Variants in TDRD5 observed in about 807,000 individuals in gnomAD.
TDRD5 encodes the protein tudor domain containing 5, also known as tudor domain-containing protein 5.
TDRD5 carries 41 observed loss-of-function variants against 120.6 expected under a neutral mutation model. The observed-to-expected ratio is 0.34, with a 90% CI of 0.26 to 0.44. The LOEUF (loss-of-function observed/expected upper bound fraction) is 0.44. Among genes scored for constraint, TDRD5 ranks in the 20% least tolerant of loss-of-function variants. The pLI is 1.00. For synonymous variants in TDRD5, 430 were observed against 433.7 expected (o/e 0.99, Z 0.11); for missense variants, 1,006 against 1,221.2 (o/e 0.82, Z 2.63).
intron 11 of TDRD5, among the ~76,000 whole-genome samples, chr1:179,643,542 G>A (rs988266022): frequency 2.0e-5 from 3 of 152,186 alleles, no homozygotes; most frequent in South Asian, 2.1e-4. Flanking sequence ...TTCTAGAGTC[G>A]TAAAGTGAAA....
chr1:179,637,289 G>A (rs1034300740), intron 9 of TDRD5, among the ~76,000 whole-genome samples: 4 of 152,110 alleles, frequency 2.6e-5, no homozygotes, highest in African/African-American at 4.8e-5. Flanking sequence ...ACATTTGTAC[G>A]TGTTTTAAAA....
intron 16 of TDRD5, among the ~76,000 whole-genome samples, 163 bp downstream of exon 16, chr1:179,663,654 A>T (rs1292316558): frequency 1.3e-5 from 2 of 152,170 alleles, no homozygotes; most frequent in African/African-American, 4.8e-5. Context: ...TGGGCTTTGT[A>T]CTAGAGTTAT....
chr1:179,668,760 T>TTTTTTG (rs1679688292), intron 16 of TDRD5, among the ~76,000 whole-genome samples: 1 of 123,920 alleles, frequency 8.1e-6, no homozygotes, highest in Non-Finnish European at 1.7e-5. Context: ...TTTTTTTTTT[T>TTTTTTG]GTGATGGAGT....
rs557783330 is a variant in TDRD5 at position 179,641,461 on chromosome 1, C to G, written c.1800+1016C>G. Among the ~76,000 whole-genome samples the G allele has an allele frequency of 2.0e-3, 298 of 151,540 alleles. 3 individuals are homozygous for G. Among genetic ancestry groups the G allele is most frequent in the African/African-American group, 6.8e-3 (280 of 41,286 alleles). On this transcript the variant is annotated intron_variant, in intron 11 of 17. Coordinates refer to ENST00000444136, the MANE Select transcript of TDRD5 (RefSeq NM_001199085.3). The stretch of plus-strand genomic sequence containing the variant: ...AGGATAATTGCTTGAACCCGGGAGG[C>G]GGAGGTTGCAGTGAGCTGAGATTGC...
chr1:179,682,656 T>C lies in TDRD5; in HGVS notation c.2861-8040T>C, dbSNP rs193275836. ...CTTTCTCCTTTTCTTCCTGTCTTTT[T>C]TGGGGGGTGGGGAGATGCAGTTTAA... On this transcript the variant is annotated intron_variant, in intron 17 of 17. Transcript: ENST00000444136. Among the ~76,000 whole-genome samples the C allele has an allele frequency of 4.6e-5, 7 of 152,296 alleles. No homozygotes were observed. The East Asian group carries it at 1.2e-3, about 25-fold the overall frequency.
At chr1:179,618,435 G>T (rs573168744) in intron 4 of TDRD5, among the ~76,000 whole-genome samples, 164 bp from the exon 5 acceptor site, 1 of 152,116 alleles carries the variant, frequency 6.6e-6, no homozygotes, top group Non-Finnish European at 1.5e-5. Flanking sequence ...AGTGTATTTT[G>T]TATGGTATGA....
chr1:179,642,100 T>C (rs1425472251), intron 11 of TDRD5, among the ~76,000 whole-genome samples: 2 of 142,582 alleles, frequency 1.4e-5, no homozygotes, highest in South Asian at 2.3e-4. Flanking sequence ...TTTCTTTTTT[T>C]CTTTTCTTTT....
chr1:179,621,251 C>A lies in TDRD5; in HGVS notation c.972+160C>A, dbSNP rs566014170. Among the ~76,000 whole-genome samples, 3 of 151,984 alleles carry A rather than the reference C, an allele frequency of 2.0e-5. No homozygotes were observed. In the South Asian group the frequency reaches 6.2e-4, roughly 31 times the overall value. ...ATATTATAAGACTTGAGAATATGAT[C>A]TTTAACAAATACTTGATTATGCATA... On this transcript the variant is annotated intron_variant, in intron 6 of 17. Transcript: ENST00000444136.
At chr1:179,612,847 A>G (rs1676352321) in intron 4 of TDRD5, among the ~76,000 whole-genome samples, 1 of 151,552 alleles carries the variant, frequency 6.6e-6, no homozygotes, top group Admixed American at 6.6e-5. Flanking sequence ...GAGGTAGGAG[A>G]ATCTCTTGAA....
chr1:179,631,788 A>G (rs1677460267), intron 7 of TDRD5, among the ~76,000 whole-genome samples: 1 of 149,314 alleles, frequency 6.7e-6, no homozygotes, highest in African/African-American at 2.5e-5. Flanking sequence ...TTTTTCCAAG[A>G]ATGTCTTTTT....
chr1:179,603,976 A>G (rs984740083), intron 4 of TDRD5, among the ~76,000 whole-genome samples: 2 of 152,030 alleles, frequency 1.3e-5, no homozygotes, highest in Non-Finnish European at 2.9e-5. Flanking sequence ...TTGAATGTCT[A>G]TTAGAATTCT....
At chr1:179,595,878 C>T in intron 4 of TDRD5, 60 bp downstream of exon 4, 1 of 1,453,726 alleles carries the variant, frequency 6.9e-7, no homozygotes, top group Non-Finnish European at 9.2e-7. Context: ...GTGGTGTTAA[C>T]ACTTTGATCT....
chr1:179,643,656 G>A (rs536250994), intron 11 of TDRD5, among the ~76,000 whole-genome samples: 1 of 151,986 alleles, frequency 6.6e-6, no homozygotes, highest in South Asian at 2.1e-4. Context: ...GTGAAGAAGA[G>A]CATAAAAAAT....
At position 179,691,113 on chromosome 1, in the gene TDRD5, AAG is replaced by A. The variant is rs1681130973; in HGVS notation, c.*171_*172del. ...ATGCTAACAGTCTACTTTGATGTGT[AAG>A]TAAGTATTGATATTTACTGTTAATC... is the stretch of plus-strand genomic sequence containing the variant. On this transcript the variant is annotated 3_prime_UTR_variant, in exon 18 of 18. Transcript: ENST00000444136. The A allele has an allele frequency of 2.5e-6, 2 of 797,404 alleles. No homozygotes were observed. Among genetic ancestry groups the A allele is most frequent in the South Asian group, 4.2e-5 (2 of 47,708 alleles). 49.4% of individuals were successfully genotyped at this position (797,404 alleles called of 1,614,324 possible).
intron 17 of TDRD5, among the ~76,000 whole-genome samples, chr1:179,679,738 G>GA (rs1680326540): frequency 6.7e-6 from 1 of 150,298 alleles, no homozygotes; most frequent in South Asian, 2.1e-4. Context: ...TTTTCCCCCC[G>GA]ATCTAGAGGT....
chr1:179,645,015 A>G (rs1372746918), intron 11 of TDRD5, among the ~76,000 whole-genome samples: 1 of 131,434 alleles, frequency 7.6e-6, no homozygotes, highest in Admixed American at 7.3e-5. Flanking sequence ...TGTAATTTAT[A>G]TTTTGCTTTC....
chr1:179,671,672 T>C (rs2147784003), intron 17 of TDRD5, among the ~76,000 whole-genome samples: 1 of 152,292 alleles, frequency 6.6e-6, no homozygotes, highest in East Asian at 1.9e-4. Context: ...ATTTCTGAGA[T>C]TTCGGTGCAC....
rs764212790 is a variant in TDRD5 at position 179,640,265 on chromosome 1, C to T, written c.1734-114C>T. 9.1e-5 allele frequency: 112 copies of T among 1,230,206 alleles called. 1 individual carries two copies. The highest frequency in any genetic ancestry group is 5.5e-4 in the Admixed American group (30 of 54,788). 76.2% of individuals were successfully genotyped at this position (1,230,206 alleles called of 1,614,324 possible). ...TACATGACACTGAATTTTGAATGGACGATGAGATTACGTTTTAGTCTCTTA... is the reference window on the plus strand; with the variant it reads ...TACATGACACTGAATTTTGAATGGATGATGAGATTACGTTTTAGTCTCTTA... On this transcript the variant is annotated intron_variant, in intron 10 of 17. Transcript: ENST00000444136.
At chr1:179,632,694 T>C (rs1291032631) in intron 7 of TDRD5, among the ~76,000 whole-genome samples, 1 of 152,202 alleles carries the variant, frequency 6.6e-6, no homozygotes, top group Non-Finnish European at 1.5e-5. Flanking sequence ...TTAGTGTGTT[T>C]ATTTTTGGAC....
Sources: allele counts gnomAD v4.1 joint callset (sites outside exome capture counted in the v4.1 genomes callset), GRCh38; gene constraint gnomAD v4.1.1; transcripts MANE v1.5; gene names NCBI Gene and HGNC (gene_info 2026-07-23, HGNC 2026-07-21).